Variants in DGKI observed in about 807,000 individuals in gnomAD.
The protein encoded by DGKI is diacylglycerol kinase iota, also known as DAG kinase iota.
In DGKI, 55 loss-of-function variants were observed where a neutral mutation model predicts 147.5. That is an observed-to-expected ratio of 0.37 (90% CI 0.30 to 0.47). DGKI has a LOEUF of 0.47. Among genes scored for constraint, DGKI ranks in the 20% least tolerant of loss-of-function variants. The pLI is 1.00. For synonymous variants in DGKI, 469 were observed against 477.1 expected (o/e 0.98, Z 0.22); for missense variants, 1,007 against 1,323.8 (o/e 0.76, Z 3.71).
intron 3 of DGKI, among the ~76,000 whole-genome samples, chr7:137,669,971 T>C (rs1444678333): frequency 6.6e-6 from 1 of 152,194 alleles, no homozygotes; most frequent in Admixed American, 6.5e-5. Context: ...ATGGGTGTTC[T>C]GTGGGGAAAT....
intron 1 of DGKI, among the ~76,000 whole-genome samples, chr7:137,814,142 T>C (rs1040652678): frequency 1.3e-5 from 2 of 152,036 alleles, no homozygotes; most frequent in South Asian, 4.2e-4. Flanking sequence ...CAGTGATGGA[T>C]GAAGGTGAGG....
At chr7:137,588,026 T>C (rs148898730) in intron 12 of DGKI, among the ~76,000 whole-genome samples, 1 of 152,200 alleles carries the variant, frequency 6.6e-6, no homozygotes, top group Non-Finnish European at 1.5e-5. Context: ...CATACTAAAA[T>C]AGTGTTTCGC....
At chr7:137,792,024 C>T (rs760968576) in intron 1 of DGKI, among the ~76,000 whole-genome samples, 7 of 152,200 alleles carry the variant, frequency 4.6e-5, no homozygotes, top group African/African-American at 1.7e-4. Context: ...GAATTAAATA[C>T]AGCAGAGAAA....
At chr7:137,814,706 G>A (rs754808625) in intron 1 of DGKI, among the ~76,000 whole-genome samples, 2 of 152,168 alleles carry the variant, frequency 1.3e-5, no homozygotes, top group African/African-American at 2.4e-5. Flanking sequence ...GGTTTGAAAT[G>A]AGACTAAGAA....
rs76216296 is a variant in DGKI at position 137,627,788 on chromosome 7, G to A, written c.805-4234C>T. The stretch of plus-strand genomic sequence containing the variant: ...CTCCACTTAGATATCAGATGGCTGT[G>A]CATGAAACAAAAGCTGAGGAGAGAC... On this transcript the variant is annotated intron_variant, in intron 6 of 32. Coordinates refer to ENST00000614521, the MANE Select transcript of DGKI (RefSeq NM_001321708.2). Among the ~76,000 whole-genome samples the A allele has an allele frequency of 7.8e-3, 1,186 of 152,266 alleles. 19 individuals carry two copies. Among genetic ancestry groups the A allele is most frequent in the African/African-American group, 0.028 (1,148 of 41,542 alleles).
intron 1 of DGKI, among the ~76,000 whole-genome samples, chr7:137,844,802 T>A (rs1334273977): frequency 6.6e-6 from 1 of 152,170 alleles, no homozygotes; most frequent in Non-Finnish European, 1.5e-5. Flanking sequence ...ATGATTTCCC[T>A]TGCAAACTCT....
intron 6 of DGKI, among the ~76,000 whole-genome samples, chr7:137,638,567 C>CACATATATACACACATATAT (rs1554446544): frequency 5.4e-4 from 18 of 33,118 alleles, no homozygotes; most frequent in Non-Finnish European, 6.7e-4. Context: ...TATATATACA[C>CACATATATACACACATATAT]ACATATATGT....
intron 1 of DGKI, among the ~76,000 whole-genome samples, chr7:137,781,769 G>A (rs1424365): frequency 0.44 from 67,676 of 152,092 alleles, 17,703 homozygotes; most frequent in East Asian, 0.6. Flanking sequence ...AAGAGTGACC[G>A]GAATTGCCAG....
intron 5 of DGKI, among the ~76,000 whole-genome samples, chr7:137,653,252 T>C (rs886566287): frequency 6.6e-6 from 1 of 152,274 alleles, no homozygotes; most frequent in Admixed American, 6.5e-5. Flanking sequence ...TTCAAACTCA[T>C]ATCTACCAAC....
chr7:137,392,413 G>C (rs1811398951), intron 32 of DGKI, among the ~76,000 whole-genome samples: 3 of 152,168 alleles, frequency 2.0e-5, no homozygotes, highest in Non-Finnish European at 1.5e-5. Context: ...AAGTTCCAAA[G>C]GAAGGGTAGA....
chr7:137,632,584 CAT>C (rs1821159556), intron 6 of DGKI, among the ~76,000 whole-genome samples: 2 of 152,100 alleles, frequency 1.3e-5, no homozygotes, highest in Non-Finnish European at 2.9e-5. Context: ...ACAGGCCGGG[CAT>C]GGTGGCTCAC....
At chr7:137,812,887 T>C (rs1283291501) in intron 1 of DGKI, among the ~76,000 whole-genome samples, 2 of 152,152 alleles carry the variant, frequency 1.3e-5, no homozygotes, top group South Asian at 2.1e-4. Context: ...CAGGATGTCT[T>C]ATATGTGTAA....
intron 28 of DGKI, among the ~76,000 whole-genome samples, chr7:137,429,717 A>G (rs992432449): frequency 6.8e-6 from 1 of 147,430 alleles, no homozygotes; most frequent in Non-Finnish European, 1.5e-5. Context: ...GAAAATAACA[A>G]ACAACCCCAT....
chr7:137,592,599 G>A (rs1026747110), intron 12 of DGKI, among the ~76,000 whole-genome samples: 1 of 152,210 alleles, frequency 6.6e-6, no homozygotes, highest in Admixed American at 6.5e-5. Flanking sequence ...TTTCTTCCAA[G>A]AGAACAGATG....
intron 1 of DGKI, among the ~76,000 whole-genome samples, chr7:137,797,033 C>T (rs149559315): frequency 8.6e-4 from 131 of 152,034 alleles, no homozygotes; most frequent in African/African-American, 2.8e-3. Flanking sequence ...TGTCAAAAAC[C>T]GAATCAGACA....
intron 20 of DGKI, among the ~76,000 whole-genome samples, chr7:137,543,550 A>T (rs1243522300): frequency 6.6e-6 from 1 of 152,140 alleles, no homozygotes; most frequent in Admixed American, 6.5e-5. Flanking sequence ...AGAGAGAAAA[A>T]AAAAGATCAC....
intron 1 of DGKI, among the ~76,000 whole-genome samples, chr7:137,757,910 A>T (rs979190443): frequency 5.9e-5 from 9 of 152,176 alleles, no homozygotes; most frequent in Non-Finnish European, 1.2e-4. Context: ...AAATTGGAGA[A>T]TCGTAACACT....
chr7:137,595,636 A>G (rs992901757), intron 12 of DGKI, among the ~76,000 whole-genome samples: 3 of 152,130 alleles, frequency 2.0e-5, no homozygotes, highest in African/African-American at 7.2e-5. Flanking sequence ...ACTTTCAAAT[A>G]TTCATCTAAT....
chr7:137,808,284 A>G (rs1201019776), intron 1 of DGKI, among the ~76,000 whole-genome samples: 1 of 152,252 alleles, frequency 6.6e-6, no homozygotes, highest in African/African-American at 2.4e-5. Flanking sequence ...TGAGAGACTT[A>G]TTAATCTTAT....
Sources: allele counts gnomAD v4.1 joint callset (sites outside exome capture counted in the v4.1 genomes callset), GRCh38; gene constraint gnomAD v4.1.1; transcripts MANE v1.5; gene names NCBI Gene and HGNC (gene_info 2026-07-23, HGNC 2026-07-21).